ZFHX4: variants seen among roughly 807,000 people sequenced by gnomAD.
ZFHX4 encodes the protein zinc finger homeobox 4, also known as zinc finger homeobox protein 4.
ZFHX4 carries 56 observed loss-of-function variants against 267.6 expected under a neutral mutation model. The ratio of observed to expected loss-of-function variants is 0.21; its 90% CI spans 0.17 to 0.26. ZFHX4 has a LOEUF of 0.26. Ranked by LOEUF, ZFHX4 falls within the 10% of genes least tolerant of loss-of-function variation. The pLI is 1.00. For missense variants in ZFHX4, 4,332 were observed against 4,420.0 expected (o/e 0.98, Z 0.56); for synonymous variants, 1,778 against 1,665.6 (o/e 1.07, Z -1.64).
intron 3 of ZFHX4, among the ~76,000 whole-genome samples, chr8:76,739,420 G>A (rs1809257634): frequency 6.6e-6 from 1 of 151,992 alleles, no homozygotes; most frequent in Non-Finnish European, 1.5e-5. Flanking sequence ...TATTATCTAA[G>A]AATCAAGAAA....
chr8:76,864,543 G>T lies in ZFHX4; in HGVS notation c.10829G>T (p.Arg3610Leu), dbSNP rs777078846. Residue 3610 changes from arginine (R) to leucine (L), a missense_variant, in exon 11 of 11, where the codon CGA becomes CTA. Arg to Leu is a moderately radical substitution (Grantham distance 102). This residue lies in a region of ZFHX4 where 1,648 missense variants were observed against 1,625.0 expected (regional missense o/e 1.01). Coordinates refer to ENST00000651372, the MANE Select transcript of ZFHX4 (RefSeq NM_024721.5). ...CTAGATGGTAATTTCAATAGCATCC[G>T]AATGGATATGTTCAGTGTGTAGGAG... ...SGLDGNFNSIRMDMFSV is the reference protein window; with the variant it reads ...SGLDGNFNSILMDMFSV 1.2e-6 allele frequency: 2 copies of T among 1,608,712 alleles called. No homozygotes were observed. Among genetic ancestry groups the T allele is most frequent in the South Asian group, 2.2e-5 (2 of 90,302 alleles).
intron 3 of ZFHX4, among the ~76,000 whole-genome samples, chr8:76,741,015 C>T (rs1193767007): frequency 1.3e-5 from 2 of 151,976 alleles, no homozygotes; most frequent in Non-Finnish European, 2.9e-5. Flanking sequence ...ACCAGGCATG[C>T]ATGGAAGTAC....
At chr8:76,693,567 C>T (rs1482229749) in intron 1 of ZFHX4, 2 of 152,114 alleles carry the variant, frequency 1.3e-5, no homozygotes, top group Non-Finnish European at 2.9e-5. Context: ...CTTAGCTTCT[C>T]CCTATCCAAA....
At chr8:76,691,513 C>T (rs1807823015) in intron 1 of ZFHX4, among the ~76,000 whole-genome samples, 1 of 151,984 alleles carries the variant, frequency 6.6e-6, no homozygotes, top group Admixed American at 6.6e-5. Context: ...TTTTTTGATT[C>T]TGCGTACTTT....
intron 1 of ZFHX4, among the ~76,000 whole-genome samples, chr8:76,684,349 C>CT (rs535111607): frequency 1.7e-3 from 254 of 152,256 alleles, no homozygotes; most frequent in Non-Finnish European, 3.0e-3. Context: ...GGCTAGCCAG[C>CT]TGTTTTAACC....
In ZFHX4 at chr8:76,854,556, G is replaced by A. The variant is rs781479742; in HGVS notation, c.7635G>A (p.Pro2545=). ...ACATGATATTTGACCCCAACAATCC[G>A]CTGATGACTGGACAACTGCTGGGCA... is the stretch of plus-strand genomic sequence containing the variant. The part of the protein sequence containing the change: ...MPYMIFDPNN[P]LMTGQLLGSS... Residue 2545 remains proline (P), a synonymous_variant, in exon 10 of 11, where the codon CCG becomes CCA. Transcript: ENST00000651372. 9.9e-6 allele frequency: 16 copies of A among 1,613,676 alleles called. No homozygotes were observed. The highest frequency in any genetic ancestry group is 1.7e-5 in the Admixed American group (1 of 60,012).
At position 76,704,919 on chromosome 8, in the gene ZFHX4, T is replaced by C. The variant is rs1205987546; in HGVS notation, c.831T>C (p.Val277=). 1 of 1,614,084 alleles carries C rather than the reference T, an allele frequency of 6.2e-7. No individual in the cohort carries two copies. Among genetic ancestry groups the C allele is most frequent in the Admixed American group, 1.7e-5 (1 of 60,030 alleles). Residue 277 remains valine (V), a synonymous_variant, in exon 2 of 11, where the codon GTT becomes GTC. Transcript: ENST00000651372. ...GCVSDGKRKP[V]LMCFLCKLSF... is the part of the protein sequence containing the mutation. ...TTAGCGATGGGAAAAGGAAACCTGT[T>C]TTAATGTGTTTCTTGTGCAAGTTGT...
chr8:76,828,043 CT>C (rs1340263927), intron 4 of ZFHX4, among the ~76,000 whole-genome samples: 2 of 152,166 alleles, frequency 1.3e-5, no homozygotes, highest in African/African-American at 2.4e-5. Context: ...GAAGAGCAGT[CT>C]TTGTATCCGC....
chr8:76,772,176 G>T (rs536821652), intron 3 of ZFHX4, among the ~76,000 whole-genome samples: 1 of 152,146 alleles, frequency 6.6e-6, no homozygotes, highest in Non-Finnish European at 1.5e-5. Context: ...TGCCTAGTAC[G>T]TAAAAAGCAC....
intron 3 of ZFHX4, 83 bp from the exon 4 acceptor site, chr8:76,778,125 T>A: frequency 1.1e-6 from 1 of 879,860 alleles, no homozygotes; most frequent in Non-Finnish European, 1.9e-6. Context: ...CCAATGTTTA[T>A]CATGCCATGG....
At chr8:76,798,084 A>G (rs1448961358) in intron 4 of ZFHX4, among the ~76,000 whole-genome samples, 2 of 152,178 alleles carry the variant, frequency 1.3e-5, no homozygotes, top group Non-Finnish European at 2.9e-5. Context: ...AGAATAAGGC[A>G]TCATAGCATA....
At chr8:76,834,962 T>C (rs1585992482) in intron 5 of ZFHX4, among the ~76,000 whole-genome samples, 2 of 151,530 alleles carry the variant, frequency 1.3e-5, no homozygotes, top group South Asian at 4.2e-4. Context: ...TTTTTTTCTT[T>C]TTTGTGGATG....
intron 3 of ZFHX4, among the ~76,000 whole-genome samples, chr8:76,767,025 T>A (rs943176688): frequency 2.7e-5 from 4 of 149,984 alleles, no homozygotes. Flanking sequence ...TGTTTCTTCC[T>A]TTGTCTGTCT....
Position 76,854,451 on chromosome 8 carries a change from A to G in ZFHX4, c.7530A>G (p.Glu2510=). 6.2e-7 allele frequency: 1 copy of G among 1,614,000 alleles called. No individual in the cohort carries two copies. The highest frequency in any genetic ancestry group is 8.5e-7 in the Non-Finnish European group (1 of 1,179,882). Residue 2510 remains glutamate (E), a synonymous_variant, in exon 10 of 11, where the codon GAA becomes GAG. Transcript: ENST00000651372. The part of the protein sequence containing the change: ...VAFPTLELWQ[E]HQHMHFLAAQ... The stretch of plus-strand genomic sequence containing the variant: ...TCCCAACTCTGGAACTCTGGCAGGA[A>G]CACCAGCACATGCACTTCCTTGCTG...
chr8:76,840,020 T>C (rs1385581813), intron 5 of ZFHX4, among the ~76,000 whole-genome samples: 1 of 152,238 alleles, frequency 6.6e-6, no homozygotes, highest in East Asian at 1.9e-4. Flanking sequence ...CTTTATGGTG[T>C]GTATAAGTTA....
chr8:76,856,248 C>T lies in ZFHX4; in HGVS notation c.9327C>T (p.Leu3109=), dbSNP rs557514169. 3.7e-6 allele frequency: 6 copies of T among 1,613,942 alleles called. No individual in the cohort carries two copies. In the South Asian group the frequency reaches 5.5e-5, roughly 15 times the overall value. ...TCCCCGGCCTTCCTCCAGTCCTTCT[C>T]CCCGGAATGAACGGTCCATCCTCCT... ...PGLPGLPPVL[L]PGMNGPSSLP... The change falls in exon 10 of 11, where the codon CTC becomes CTT. Residue 3109 remains leucine, a synonymous_variant. Coordinates refer to ENST00000651372, the MANE Select transcript of ZFHX4 (RefSeq NM_024721.5).
At chr8:76,763,804 A>G (rs1246654793) in intron 3 of ZFHX4, among the ~76,000 whole-genome samples, 1 of 152,202 alleles carries the variant, frequency 6.6e-6, no homozygotes, top group Non-Finnish European at 1.5e-5. Context: ...AAGCTGCTTA[A>G]AATGTATATC....
chr8:76,795,260 T>C (rs1810946360), intron 4 of ZFHX4, among the ~76,000 whole-genome samples: 1 of 152,058 alleles, frequency 6.6e-6, no homozygotes, highest in Non-Finnish European at 1.5e-5. Context: ...ATAATAGCCA[T>C]ATTAATTTTT....
intron 1 of ZFHX4, chr8:76,683,367 GCACACACACACATA>G (rs1315954836): frequency 2.0e-5 from 2 of 99,704 alleles, no homozygotes; most frequent in East Asian, 2.7e-4. Flanking sequence ...TCCAAAAAAA[GCACACACACACATA>G]CACACACACA....
Sources: allele counts gnomAD v4.1 joint callset (sites outside exome capture counted in the v4.1 genomes callset), GRCh38; gene constraint gnomAD v4.1.1; regional missense constraint gnomAD v4.1.1; transcripts MANE v1.5; gene names NCBI Gene and HGNC (gene_info 2026-07-23, HGNC 2026-07-21).